The following CCDC92B variants were observed in gnomAD, a reference collection of about 807,000 sequenced individuals.
The protein encoded by CCDC92B is coiled-coil domain-containing 92B.
In CCDC92B, 2 loss-of-function variants were observed where a neutral mutation model predicts 5.6. The ratio of observed to expected loss-of-function variants is 0.36; its 90% CI spans 0.15 to 1.12. CCDC92B has a LOEUF of 1.12. Among genes scored for constraint, CCDC92B ranks in the 50% most tolerant of loss-of-function variants. The pLI is 0.40. For missense variants in CCDC92B, 271 were observed against 262.2 expected (o/e 1.03, Z -0.23); for synonymous variants, 115 against 122.3 (o/e 0.94, Z 0.39).
chr17:2,737,538 G>A (rs1193670255), intron 1 of CCDC92B, among the ~76,000 whole-genome samples: 1 of 127,646 alleles, frequency 7.8e-6, no homozygotes, highest in Non-Finnish European at 1.6e-5. Context: ...GCAGTGGCAC[G>A]ATCTCGGCTC....
chr17:2,736,991 C>T (rs2070865822), intron 1 of CCDC92B, among the ~76,000 whole-genome samples: 1 of 151,290 alleles, frequency 6.6e-6, no homozygotes, highest in Non-Finnish European at 1.5e-5. Context: ...CAGTGACTCC[C>T]ATGGCAGAAC....
At chr17:2,728,922 C>T (rs2070766589) in intron 3 of CCDC92B, among the ~76,000 whole-genome samples, 1 of 152,220 alleles carries the variant, frequency 6.6e-6, no homozygotes, top group Non-Finnish European at 1.5e-5. Context: ...ATAGCTTAAA[C>T]TTCCAGCCTG....
At position 2,724,553 on chromosome 17, in the gene CCDC92B, T is replaced by G; in HGVS notation, c.626A>C (p.Asp209Ala). Reference protein sequence around the residue: ...GALDDADPMPDPALFLYARRP... With the variant: ...GALDDADPMPAPALFLYARRP... Reference sequence around the variant, plus strand: ...GCGTGCATAGAGGAAGAGCGCGGGGTCGGGCATGGGGTCGGCGTCGTCGAG... The same window carrying G: ...GCGTGCATAGAGGAAGAGCGCGGGGGCGGGCATGGGGTCGGCGTCGTCGAG... Residue 209 changes from aspartate (D) to alanine (A), a missense_variant, in exon 4 of 4, where the codon GAC (aspartate) becomes GCC (alanine). By Grantham distance (126) the Asp-to-Ala change is moderately radical (BLOSUM62 -2). Transcript: ENST00000614400. The surrounding 1 kb of genome is among the most constrained non-coding windows in gnomAD (Gnocchi z 5.0). 2 of 980,990 alleles carry G rather than the reference T, an allele frequency of 2.0e-6. No homozygotes were observed. Among genetic ancestry groups the G allele is most frequent in the Non-Finnish European group, 2.4e-6 (2 of 828,436 alleles). The allele number at this position is 980,990 out of a possible 1,614,324, so 60.8% of individuals were successfully genotyped here. A position where few individuals can be genotyped will look rare whatever the true frequency, so the allele number is the denominator to read the frequency against.
At position 2,724,824 on chromosome 17, in the gene CCDC92B, G is replaced by C; in HGVS notation, c.355C>G (p.Arg119Gly). The change falls in exon 4 of 4, where the codon CGC (arginine) becomes GGC (glycine). Residue 119 changes from arginine (R) to glycine (G), a missense_variant. Physicochemically the swap from Arg to Gly is moderately radical, Grantham distance 125. Transcript: ENST00000614400. This position sits in a 1 kb window ranked among gnomAD's most constrained non-coding sequence, Gnocchi z 5.0. ...ERRFLEELRRRSHRATVLGTE... is the reference protein window; with the variant it reads ...ERRFLEELRRGSHRATVLGTE... ...CCCAGCACGGTGGCGCGGTGGCTGC[G>C]GCGGCGCAGCTCCTCCAGGAAGCGG... The C allele has an allele frequency of 4.1e-6, 4 of 984,916 alleles. No homozygotes were observed. The highest frequency in any genetic ancestry group is 1.1e-4 in the East Asian group (1 of 8,752). 61.0% of individuals were successfully genotyped at this position (984,916 alleles called of 1,614,324 possible). A position where few individuals can be genotyped will look rare whatever the true frequency, so the allele number is the denominator to read the frequency against.
intron 1 of CCDC92B, among the ~76,000 whole-genome samples, chr17:2,744,442 T>C (rs904749154): frequency 2.0e-5 from 3 of 152,160 alleles, no homozygotes; most frequent in African/African-American, 4.8e-5. Flanking sequence ...CTTCCGGCTT[T>C]GGCATCTCAA....
intron 1 of CCDC92B, among the ~76,000 whole-genome samples, chr17:2,739,684 A>G (rs1223792489): frequency 6.6e-6 from 1 of 152,102 alleles, no homozygotes; most frequent in Admixed American, 6.5e-5. Flanking sequence ...TCGTCTCAAA[A>G]AAATAGATAG....
At chr17:2,747,450 G>A (rs1237491532) in intron 1 of CCDC92B, among the ~76,000 whole-genome samples, 1 of 152,212 alleles carries the variant, frequency 6.6e-6, no homozygotes, top group Non-Finnish European at 1.5e-5. Flanking sequence ...AATCAGGTCA[G>A]GTGCGGTGGC....
chr17:2,734,400 C>T (rs920567472), intron 2 of CCDC92B, among the ~76,000 whole-genome samples: 1 of 151,996 alleles, frequency 6.6e-6, no homozygotes, highest in African/African-American at 2.4e-5. Flanking sequence ...CCTAGCTAGA[C>T]CGAGGGCTGG....
chr17:2,725,338 A>G (rs8079322), intron 3 of CCDC92B, among the ~76,000 whole-genome samples: 139,740 of 151,824 alleles, frequency 0.92, 65,429 homozygotes, highest in Non-Finnish European at 1. Flanking sequence ...AGCCGAGATC[A>G]CGCCACTGCT....
chr17:2,743,812 A>G (rs1176838155), intron 1 of CCDC92B, among the ~76,000 whole-genome samples: 1 of 152,078 alleles, frequency 6.6e-6, no homozygotes, highest in East Asian at 1.9e-4. Flanking sequence ...CATTCCCTTA[A>G]TCTGCATTAT....
At chr17:2,749,156 G>A (rs544364200) in intron 1 of CCDC92B, among the ~76,000 whole-genome samples, 1 of 152,340 alleles carries the variant, frequency 6.6e-6, no homozygotes, top group South Asian at 2.1e-4. Flanking sequence ...AGAAATAAAG[G>A]TGTGCGTGGC....
intron 1 of CCDC92B, among the ~76,000 whole-genome samples, chr17:2,738,495 G>C (rs1181674355): frequency 6.6e-6 from 1 of 151,822 alleles, no homozygotes; most frequent in African/African-American, 2.4e-5. Flanking sequence ...GGCCTGGGCT[G>C]GGCGCAGTGG....
chr17:2,746,964 G>A (rs571854976), intron 1 of CCDC92B, among the ~76,000 whole-genome samples: 3 of 152,274 alleles, frequency 2.0e-5, no homozygotes, highest in African/African-American at 7.2e-5. Context: ...GAGCCACAGC[G>A]CCTGGCCTGC....
rs983850359 is a variant in CCDC92B at position 2,724,301 on chromosome 17, C to G, written c.*110G>C. The G allele has an allele frequency of 5.1e-6, 5 of 985,078 alleles. No homozygotes were observed. The African/African-American group carries it at 8.7e-5, about 17-fold the overall frequency. The allele number at this position is 985,078 out of a possible 1,614,324, so 61.0% of individuals were successfully genotyped here. ...GAGCCGGGGCCGCCTCGCCCCGCTT[C>G]CTGGAGGAGGGGCGGCTGCCCTCCG... is the stretch of plus-strand genomic sequence containing the variant. On this transcript the variant is annotated 3_prime_UTR_variant, in exon 4 of 4. Transcript: ENST00000614400. The surrounding 1 kb of genome is among the most constrained non-coding windows in gnomAD (Gnocchi z 5.0).
At position 2,724,120 on chromosome 17, in the gene CCDC92B, G is replaced by A. The variant is rs2070693459; in HGVS notation, c.*291C>T. 2.0e-6 allele frequency: 2 copies of A among 985,270 alleles called. No homozygotes were observed. Among genetic ancestry groups the A allele is most frequent in the African/African-American group, 3.5e-5 (2 of 57,352 alleles). 61.0% of individuals were successfully genotyped at this position (985,270 alleles called of 1,614,324 possible). ...TGGCCCCCGCCCCTCCTGTCTCACA[G>A]GCAGGTGGGACCAGGCCAGGATCGG... On this transcript the variant is annotated 3_prime_UTR_variant, in exon 4 of 4. Coordinates refer to ENST00000614400, the MANE Select transcript of CCDC92B (RefSeq NM_001355573.2). This position sits in a 1 kb window ranked among gnomAD's most constrained non-coding sequence, Gnocchi z 5.0.
At chr17:2,736,058 G>A (rs1474553289) in intron 1 of CCDC92B, among the ~76,000 whole-genome samples, 1 of 152,202 alleles carries the variant, frequency 6.6e-6, no homozygotes, top group East Asian at 1.9e-4. Flanking sequence ...TCCTCCAAGT[G>A]GCAGAGGAGG....
chr17:2,747,950 A>T (rs1039326543), intron 1 of CCDC92B: 5 of 340,714 alleles, frequency 1.5e-5, no homozygotes, highest in African/African-American at 1.1e-4. Flanking sequence ...CACGTTGAAG[A>T]TTCTATTAAT....
chr17:2,745,286 G>C (rs2070972613), intron 1 of CCDC92B, among the ~76,000 whole-genome samples: 1 of 151,944 alleles, frequency 6.6e-6, no homozygotes, highest in African/African-American at 2.4e-5. Flanking sequence ...CGCACATCTG[G>C]AGGATGAAGG....
At chr17:2,741,717 C>T (rs139252117) in intron 1 of CCDC92B, among the ~76,000 whole-genome samples, 2 of 149,704 alleles carry the variant, frequency 1.3e-5, no homozygotes, top group South Asian at 2.1e-4. Context: ...CTCAGCCTCC[C>T]GAGTAGCTGG....
Sources: allele counts gnomAD v4.1 joint callset (sites outside exome capture counted in the v4.1 genomes callset), GRCh38; gene constraint gnomAD v4.1.1; non-coding constraint Gnocchi (gnomAD v3.1); transcripts MANE v1.5; gene names NCBI Gene and HGNC (gene_info 2026-07-23, HGNC 2026-07-21).